YARS2: variants seen among roughly 807,000 people sequenced by gnomAD.
The protein encoded by YARS2 is tyrosyl-tRNA synthetase 2.
Under a neutral mutation model 45.0 loss-of-function variants are expected in YARS2, and 38 were observed. The ratio of observed to expected loss-of-function variants is 0.84; its 90% CI spans 0.65 to 1.11. The LOEUF (loss-of-function observed/expected upper bound fraction) is 1.11, where lower values mean the gene tolerates loss of function less well. Ranked by LOEUF, YARS2 falls within the 50% of genes least tolerant of loss-of-function variation. The probability of loss-of-function intolerance (pLI) is 0.00; values close to 1 mark genes in which losing one functional copy is unlikely to be tolerated. For synonymous variants in YARS2, 287 were observed against 245.1 expected (o/e 1.17, Z -1.60); for missense variants, 602 against 599.8 (o/e 1.00, Z -0.04).
Position 32,747,250 on chromosome 12 carries a change from T to A in YARS2, c.1388A>T (p.Lys463Ile). The change falls in exon 5 of 5, where the codon AAA (lysine) becomes ATA (isoleucine). Residue 463 changes from lysine (K) to isoleucine (I), a missense_variant. By Grantham distance (102) the Lys-to-Ile change is moderately radical (BLOSUM62 -3). Transcript: ENST00000324868. ...AATGTAGAAATTTCTTTTTCCTATT[T>A]TAAGTAAGGAAAGTCCATTCTTGAG... is the stretch of plus-strand genomic sequence containing the variant. ...HILKNGLSLLKIGKRNFYIIK... is the reference protein window; with the variant it reads ...HILKNGLSLLIIGKRNFYIIK... 6.2e-7 allele frequency: 1 copy of A among 1,613,868 alleles called. No homozygotes were observed. Among genetic ancestry groups the A allele is most frequent in the Non-Finnish European group, 8.5e-7 (1 of 1,179,926 alleles).
At chr12:32,755,001 G>A in intron 1 of YARS2, 95 bp downstream of exon 1, 1 of 1,514,224 alleles carries the variant, frequency 6.6e-7, no homozygotes, top group Non-Finnish European at 9.2e-7. Flanking sequence ...GAGCTGGAAC[G>A]AAGGGCAGCA....
Position 32,750,025 on chromosome 12 carries a change from C to T in YARS2, c.1186G>A (p.Ala396Thr), listed in dbSNP as rs748476622. 6.2e-7 allele frequency: 1 copy of T among 1,614,066 alleles called. No individual in the cohort carries two copies. The highest frequency in any genetic ancestry group is 1.1e-5 in the South Asian group (1 of 91,076). The change falls in exon 4 of 5, where the codon GCT becomes ACT. Residue 396 changes from alanine to threonine, a missense_variant. Ala to Thr is a moderately conservative substitution (Grantham distance 58). Coordinates refer to ENST00000324868, the MANE Select transcript of YARS2 (RefSeq NM_001040436.3). ...DQELKELFKE[A>T]PFSEFFLDPG... ...TCGAGAAAAAATTCAGAAAATGGAG[C>T]TTCTTTAAACAACTCTTTTAACTCC... is the stretch of plus-strand genomic sequence containing the variant.
At position 32,755,519 on chromosome 12, in the gene YARS2, A is replaced by C. The variant is rs752937237; in HGVS notation, c.356T>G (p.Leu119Arg). Reference sequence around the variant, plus strand: ...CTTGGTACGGCCGCTCGGGTCTCCCAGGCGCGCCGTGGCGCCTCCCACCAG... The same window carrying C: ...CTTGGTACGGCCGCTCGGGTCTCCCCGGCGCGCCGTGGCGCCTCCCACCAG... ...IALVGGATAR[L>R]GDPSGRTKER... Residue 119 changes from leucine to arginine, a missense_variant, in exon 1 of 5, where the codon CTG becomes CGG. Leu to Arg is a moderately radical substitution (Grantham distance 102). Transcript: ENST00000324868. The C allele has an allele frequency of 1.2e-6, 2 of 1,612,682 alleles. No homozygotes were observed. The highest frequency in any genetic ancestry group is 2.7e-5 in the African/African-American group (2 of 74,924).
In YARS2 at chr12:32,755,315, G is replaced by A. The variant is rs1955827061; in HGVS notation, c.560C>T (p.Ala187Val). Residue 187 changes from alanine (A) to valine (V), a missense_variant, in exon 1 of 5, where the codon GCG (alanine) becomes GTG (valine). By Grantham distance (64) the Ala-to-Val change is moderately conservative. Coordinates refer to ENST00000324868, the MANE Select transcript of YARS2 (RefSeq NM_001040436.3). The part of the protein sequence containing the change: ...YQKQHLVDFL[A>V]AVGGHFRMGT... ...CATGCGGAAGTGACCCCCCACTGCC[G>A]CCAGGAAGTCCACCAGGTGCTGCTT... is the stretch of plus-strand genomic sequence containing the variant. 2.5e-6 allele frequency: 4 copies of A among 1,613,956 alleles called. No individual in the cohort carries two copies. The highest frequency in any genetic ancestry group is 1.7e-5 in the Admixed American group (1 of 60,006).
Position 32,755,429 on chromosome 12 carries a change from T to G in YARS2, c.446A>C (p.Glu149Ala). 1 of 1,613,460 alleles carries G rather than the reference T, an allele frequency of 6.2e-7. No homozygotes were observed. The highest frequency in any genetic ancestry group is 8.5e-7 in the Non-Finnish European group (1 of 1,179,910). The change falls in exon 1 of 5, where the codon GAG becomes GCG. Residue 149 changes from glutamate (E) to alanine (A), a missense_variant. Physicochemically the swap from Glu to Ala is moderately radical, Grantham distance 107 (BLOSUM62 -1). Coordinates refer to ENST00000324868, the MANE Select transcript of YARS2 (RefSeq NM_001040436.3). ...CTGCTGGTGATTAGCCGCCAGGGCC[T>G]CAAGCCCTAGGCGCAGAGCTCGCGC... is the stretch of plus-strand genomic sequence containing the variant. Reference protein sequence around the residue: ...ANARALRLGLEALAANHQQLF... With the variant: ...ANARALRLGLAALAANHQQLF...
rs1955635889 is a variant in YARS2, at chr12:32,746,549, C to CAG, written c.*653_*654dup. ...CTTTTTTTTTTTTTTTTTTTTGAGA[C>CAG]AGAGTTTCACTCACTACTCATGCTG... is the stretch of plus-strand genomic sequence containing the variant. On this transcript the variant is annotated 3_prime_UTR_variant, in exon 5 of 5. Transcript: ENST00000324868. 8.0e-6 allele frequency: 1 copy of CAG among 125,386 alleles called. No individual in the cohort carries two copies. Among genetic ancestry groups the CAG allele is most frequent in the South Asian group, 2.5e-4 (1 of 3,948 alleles). 7.8% of individuals were successfully genotyped at this position (125,386 alleles called of 1,614,324 possible).
At chr12:32,753,878 T>C in intron 2 of YARS2, 40 bp downstream of exon 2, 2 of 1,610,962 alleles carry the variant, frequency 1.2e-6, no homozygotes, top group East Asian at 4.5e-5. Flanking sequence ...ATCATGAGTT[T>C]ATGGTGTCAG....
chr12:32,747,104 G>C lies in YARS2; in HGVS notation c.*100C>G. The C allele has an allele frequency of 4.7e-6, 6 of 1,264,264 alleles. No individual in the cohort carries two copies. Among genetic ancestry groups the C allele is most frequent in the Non-Finnish European group, 6.7e-6 (6 of 890,164 alleles). The allele number at this position is 1,264,264 out of a possible 1,614,324, so 78.3% of individuals were successfully genotyped here. On this transcript the variant is annotated 3_prime_UTR_variant, in exon 5 of 5. Transcript: ENST00000324868. ...GAGTCCTAGTCCATTCTGTTTTTCTGATTTGCATAAGCAAAGGTCTAAGTT... is the reference window on the plus strand; with the variant it reads ...GAGTCCTAGTCCATTCTGTTTTTCTCATTTGCATAAGCAAAGGTCTAAGTT...
At chr12:32,753,856 G>T in intron 2 of YARS2, 62 bp downstream of exon 2, 1 of 1,596,588 alleles carries the variant, frequency 6.3e-7, no homozygotes, top group Non-Finnish European at 8.6e-7. Context: ...TAGATTCAAT[G>T]GCTAAAATTA....
intron 3 of YARS2, 124 bp downstream of exon 3, chr12:32,750,595 G>T: frequency 7.9e-7 from 1 of 1,273,812 alleles, no homozygotes; most frequent in Non-Finnish European, 1.1e-6. Flanking sequence ...ATTTTAAATT[G>T]CTAAGTCAAA....
chr12:32,752,806 C>T (rs773522409), intron 2 of YARS2: 5 of 330,284 alleles, frequency 1.5e-5, no homozygotes, highest in South Asian at 4.8e-5. Context: ...AGGACTATAT[C>T]GTCAAACATT....
chr12:32,754,081 T>G lies in YARS2; in HGVS notation c.784A>C (p.Thr262Pro). 3 of 1,614,218 alleles carry G rather than the reference T, an allele frequency of 1.9e-6. No homozygotes were observed. Among genetic ancestry groups the G allele is most frequent in the Non-Finnish European group, 2.5e-6 (3 of 1,180,036 alleles). ...GTGATTCCAAATACATCTTCTCCAG[T>G]CAACCTACGCATAAAGAACAATTTC... is the stretch of plus-strand genomic sequence containing the variant. Reference protein sequence around the residue: ...MSGYEFINKLTGEDVFGITVP... With the variant: ...MSGYEFINKLPGEDVFGITVP... The change falls in exon 2 of 5, where the codon ACT becomes CCT. Residue 262 changes from threonine to proline, a missense_variant. Thr to Pro is a conservative substitution (Grantham distance 38, BLOSUM62 -1). Transcript: ENST00000324868.
intron 3 of YARS2, 119 bp from the exon 4 acceptor site, chr12:32,750,226 G>C (rs1955714243): frequency 8.3e-7 from 1 of 1,206,240 alleles, no homozygotes; most frequent in Admixed American, 2.1e-5. Flanking sequence ...TTTTGAGATG[G>C]AGTCTCGCTC....
chr12:32,748,749 G>C (rs192187715), intron 4 of YARS2, among the ~76,000 whole-genome samples: 2 of 152,198 alleles, frequency 1.3e-5, no homozygotes, highest in African/African-American at 4.8e-5. Context: ...TTTCCAGGCA[G>C]AATAGTCTAG....
intron 2 of YARS2, chr12:32,752,618 G>A (rs998504683): frequency 4.9e-6 from 1 of 204,468 alleles, no homozygotes; most frequent in African/African-American, 2.4e-5. Context: ...GCTGGGCATG[G>A]TGGCGCATGC....
At chr12:32,751,631 G>A (rs1257248638) in intron 2 of YARS2, among the ~76,000 whole-genome samples, 1 of 152,060 alleles carries the variant, frequency 6.6e-6, no homozygotes, top group Non-Finnish European at 1.5e-5. Context: ...CAACCTTTTT[G>A]GCACCACGAG....
chr12:32,749,419 A>G (rs2137649131), intron 4 of YARS2, among the ~76,000 whole-genome samples: 1 of 152,344 alleles, frequency 6.6e-6, no homozygotes, highest in Middle Eastern at 3.4e-3. Context: ...AAGAGACAGT[A>G]TAGGAGTACT....
rs746124254 is a variant in YARS2, at chr12:32,750,067, C to G, written c.1144G>C (p.Glu382Gln). The G allele has an allele frequency of 1.9e-6, 3 of 1,614,128 alleles. No homozygotes were observed. Among genetic ancestry groups the G allele is most frequent in the Non-Finnish European group, 2.5e-6 (3 of 1,180,034 alleles). ...TTTAACTCCTGATCAGACATGACCT[C>G]CAGTGCATCTATGCTACTGTGATAA... ...ALYHSSIDAL[E>Q]VMSDQELKEL... The change falls in exon 4 of 5, where the codon GAG becomes CAG. Residue 382 changes from glutamate (E) to glutamine (Q), a missense_variant. Coordinates refer to ENST00000324868, the MANE Select transcript of YARS2 (RefSeq NM_001040436.3).
At chr12:32,753,871 A>T (rs1955793870) in intron 2 of YARS2, 47 bp downstream of exon 2, 1 of 1,610,500 alleles carries the variant, frequency 6.2e-7, no homozygotes. Context: ...AAATTACATC[A>T]TGAGTTTATG....
Sources: gnomAD v4.1 joint callset for allele counts (sites outside exome capture counted in the v4.1 genomes callset) on GRCh38, gnomAD v4.1.1 for gene constraint, MANE v1.5 for transcripts, NCBI Gene and HGNC (gene_info 2026-07-23, HGNC 2026-07-21) for gene names.